The following PTGER3 variants were observed in gnomAD, a reference collection of about 807,000 sequenced individuals.
PTGER3 encodes the protein prostaglandin E receptor 3, also known as prostaglandin E2 receptor EP3 subtype.
In PTGER3, 22 loss-of-function variants were observed where a neutral mutation model predicts 34.7. The observed-to-expected ratio is 0.63, with a 90% confidence interval of 0.45 to 0.91. The LOEUF (loss-of-function observed/expected upper bound fraction) is 0.91. Among genes scored for constraint, PTGER3 ranks in the 40% least tolerant of loss-of-function variants. The pLI is 0.00. For missense variants in PTGER3, 468 were observed against 519.4 expected (o/e 0.90, Z 0.96); for synonymous variants, 241 against 230.1 (o/e 1.05, Z -0.43).
intron 2 of PTGER3, among the ~76,000 whole-genome samples, chr1:70,983,096 G>T (rs2223501): frequency 0.61 from 92,383 of 151,584 alleles, 28,373 homozygotes; most frequent in Middle Eastern, 0.65. Context: ...GTAGAGAGAG[G>T]ACAGCCACCT....
chr1:70,926,539 A>G (rs1408640419), intron 4 of PTGER3, among the ~76,000 whole-genome samples: 1 of 152,146 alleles, frequency 6.6e-6, no homozygotes, highest in Non-Finnish European at 1.5e-5. Context: ...TTGTATCCTG[A>G]GACTTTGCTG....
At chr1:70,870,641 T>G (rs971374156) in intron 4 of PTGER3, among the ~76,000 whole-genome samples, 21 of 152,348 alleles carry the variant, frequency 1.4e-4, no homozygotes, top group African/African-American at 5.1e-4. Context: ...AGACCACATC[T>G]TGAACAATTT....
chr1:70,866,890 C>A (rs891943828), intron 4 of PTGER3, among the ~76,000 whole-genome samples: 1 of 152,158 alleles, frequency 6.6e-6, no homozygotes, highest in African/African-American at 2.4e-5. Context: ...GCTCCGAATG[C>A]CTTACTGGAT....
At chr1:70,912,464 T>C (rs1432804699) in intron 4 of PTGER3, among the ~76,000 whole-genome samples, 7 of 152,084 alleles carry the variant, frequency 4.6e-5, no homozygotes, top group Admixed American at 3.9e-4. Context: ...TATGTTAAAT[T>C]AAAGAGTTTG....
chr1:71,011,287 G>A (rs1277081070), intron 2 of PTGER3: 1 of 984,910 alleles, frequency 1.0e-6, no homozygotes, highest in Non-Finnish European at 1.2e-6. Flanking sequence ...TATATAAATA[G>A]GCCAAAATAT....
rs546718353 is a variant in PTGER3 at position 70,856,130 on chromosome 1, C to G, written c.*24-3271G>C. ...AAGAGAAAAAAATGCTTGTAGACTT[C>G]CAAGGTGTCTATCACTATACTCTGA... On this transcript the variant is annotated intron_variant, in intron 4 of 4. Coordinates refer to the PTGER3 transcript ENST00000370931. Among the ~76,000 whole-genome samples, 458 of 152,038 alleles carry G rather than the reference C, an allele frequency of 3.0e-3. 1 individual carries two copies. Among genetic ancestry groups the G allele is most frequent in the Non-Finnish European group, 4.4e-3 (302 of 67,992 alleles).
chr1:70,919,386 GA>G (rs1647315877), intron 4 of PTGER3, among the ~76,000 whole-genome samples: 1 of 152,118 alleles, frequency 6.6e-6, no homozygotes, highest in East Asian at 1.9e-4. Context: ...AACCCATCAT[GA>G]AATATCTTTC....
intron 2 of PTGER3, among the ~76,000 whole-genome samples, chr1:70,996,832 T>C (rs1572889822): frequency 6.6e-6 from 1 of 152,146 alleles, no homozygotes; most frequent in East Asian, 1.9e-4. Flanking sequence ...CCCAGCCTTT[T>C]TTTGTGTTTT....
intron 4 of PTGER3, among the ~76,000 whole-genome samples, chr1:70,858,265 A>G (rs760933808): frequency 7.5e-5 from 11 of 146,254 alleles, no homozygotes; most frequent in Non-Finnish European, 1.3e-4. Flanking sequence ...AGTATCACCT[A>G]TAGGAAGTAC....
chr1:70,874,822 G>GT (rs35816348), intron 4 of PTGER3, among the ~76,000 whole-genome samples: 2,074 of 148,808 alleles, frequency 0.014, 46 homozygotes, highest in African/African-American at 0.044. Context: ...TTCATTTTAT[G>GT]TTTTTTTTTT....
chr1:71,017,922 G>A (rs548617964), intron 1 of PTGER3, among the ~76,000 whole-genome samples: 1 of 152,084 alleles, frequency 6.6e-6, no homozygotes, highest in Non-Finnish European at 1.5e-5. Flanking sequence ...GTGCCACCAG[G>A]CCTGGCTAAT....
At chr1:70,857,562 G>A (rs1645835327) in intron 4 of PTGER3, among the ~76,000 whole-genome samples, 1 of 151,900 alleles carries the variant, frequency 6.6e-6, no homozygotes, top group African/African-American at 2.4e-5. Context: ...TAGAGACAGA[G>A]TCTCACTCTG....
chr1:71,003,069 T>A (rs1315791617), intron 2 of PTGER3, among the ~76,000 whole-genome samples: 12 of 152,186 alleles, frequency 7.9e-5, no homozygotes, highest in Non-Finnish European at 1.8e-4. Flanking sequence ...AATGCAAAAA[T>A]ACATGTCATT....
intron 1 of PTGER3, among the ~76,000 whole-genome samples, chr1:71,046,261 G>A (rs1437875167): frequency 6.8e-6 from 1 of 146,938 alleles, no homozygotes; most frequent in Non-Finnish European, 1.5e-5. Context: ...ACTCCAGCCT[G>A]GGTGACAGAG....
intron 4 of PTGER3, among the ~76,000 whole-genome samples, chr1:70,868,693 G>A (rs1646098121): frequency 1.3e-5 from 2 of 152,144 alleles, no homozygotes; most frequent in South Asian, 4.1e-4. Flanking sequence ...GAAAATGGAA[G>A]CCAAAATAAA....
intron 3 of PTGER3, among the ~76,000 whole-genome samples, 168 bp downstream of exon 3, chr1:70,974,129 G>A (rs1251417006): frequency 6.6e-6 from 1 of 152,124 alleles, no homozygotes; most frequent in African/African-American, 2.4e-5. Flanking sequence ...CTTAAGTAAA[G>A]TTAAAAACAA....
At chr1:70,880,976 A>G (rs1646379601) in intron 4 of PTGER3, among the ~76,000 whole-genome samples, 1 of 152,056 alleles carries the variant, frequency 6.6e-6, no homozygotes, top group African/African-American at 2.4e-5. Context: ...GAAAATTTTT[A>G]TGGATCATAA....
intron 4 of PTGER3, among the ~76,000 whole-genome samples, chr1:70,897,540 C>A (rs1047193649): frequency 6.6e-5 from 10 of 152,228 alleles, no homozygotes; most frequent in African/African-American, 2.4e-4. Flanking sequence ...ATGACTCCCA[C>A]GTGTCTGCTG....
At chr1:70,973,470 G>T (rs1653356945) in intron 3 of PTGER3, among the ~76,000 whole-genome samples, 1 of 151,994 alleles carries the variant, frequency 6.6e-6, no homozygotes, top group Non-Finnish European at 1.5e-5. Context: ...AATTCTCTCA[G>T]TTCCCTCAAC....
Sources: allele counts gnomAD v4.1 joint callset (sites outside exome capture counted in the v4.1 genomes callset), GRCh38; gene constraint gnomAD v4.1.1; transcripts MANE v1.5; gene names NCBI Gene and HGNC (gene_info 2026-07-23, HGNC 2026-07-21).